Variants in CAPN8 observed in about 807,000 individuals in gnomAD.
The protein encoded by CAPN8 is calpain 8.
Under a neutral mutation model 80.9 loss-of-function variants are expected in CAPN8, and 87 were observed. The ratio of observed to expected loss-of-function variants is 1.07; its 90% CI spans 0.90 to 1.28. The LOEUF (loss-of-function observed/expected upper bound fraction) is 1.28. Ranked by LOEUF, CAPN8 falls within the 50% of genes most tolerant of loss-of-function variation. CAPN8 has a pLI of 0.00. For missense variants in CAPN8, 757 were observed against 702.0 expected, an observed-to-expected ratio of 1.08 and a Z score of -0.89; for synonymous variants, 299 against 273.8, an observed-to-expected ratio of 1.09 and a Z score of -0.91.
In CAPN8 at chr1:223,543,136, T is replaced by C. The variant is rs892488704; in HGVS notation, c.2060A>G (p.Asp687Gly). The change falls in exon 20 of 21, where the codon GAT (aspartate) becomes GGT (glycine). Residue 687 changes from aspartate to glycine, a missense_variant. Physicochemically the swap from Asp to Gly is moderately conservative, Grantham distance 94. Transcript: ENST00000366872. ...KLFSLLDEDK[D>G]GMVQLSLAEW... Reference sequence around the variant, plus strand: ...GGCCAGAGAGAGCTGAACCATGCCATCCTTGTCTTCGTCCAGAAGGCTGAA... The same window carrying C: ...GGCCAGAGAGAGCTGAACCATGCCACCCTTGTCTTCGTCCAGAAGGCTGAA... 5.2e-6 allele frequency: 8 copies of C among 1,551,562 alleles called. No homozygotes were observed. The highest frequency in any genetic ancestry group is 7.0e-6 in the Non-Finnish European group (8 of 1,146,996).
chr1:223,549,733 A>C (rs1288124639), intron 15 of CAPN8, among the ~76,000 whole-genome samples: 1 of 152,224 alleles, frequency 6.6e-6, no homozygotes, highest in Non-Finnish European at 1.5e-5. Context: ...TGCCCCAAAG[A>C]CTGGCTGGGT....
chr1:223,625,992 T>C (rs1260435580), intron 5 of CAPN8, 104 bp from the exon 6 acceptor site: 2 of 850,134 alleles, frequency 2.4e-6, no homozygotes, highest in Non-Finnish European at 3.9e-6. Context: ...GGGGCTTCAG[T>C]GTGGGACTAG....
At chr1:223,659,378 T>A (rs964416866) in intron 1 of CAPN8, among the ~76,000 whole-genome samples, 12 of 152,186 alleles carry the variant, frequency 7.9e-5, no homozygotes, top group Admixed American at 7.2e-4. Context: ...CATCCCTCTG[T>A]GATCTGGCCC....
At chr1:223,654,842 A>ATTTTTTTTT (rs35365292) in intron 1 of CAPN8, among the ~76,000 whole-genome samples, 66 of 111,682 alleles carry the variant, frequency 5.9e-4, no homozygotes, top group Non-Finnish European at 8.6e-4. Flanking sequence ...CACCCGGCTA[A>ATTTTTTTTT]TTTTTTTTTT....
rs73119734 is a variant in CAPN8, at chr1:223,618,259, A to G, written c.1135+1034T>C. On this transcript the variant is annotated intron_variant, in intron 9 of 20. Coordinates refer to ENST00000366872, the MANE Select transcript of CAPN8 (RefSeq NM_001143962.2). Reference sequence around the variant, plus strand: ...GAGTTTCTTCATCAGGTGCTGCCTCAGCTGATTCAACCTAGGAGGAGCCTA... The same window carrying G: ...GAGTTTCTTCATCAGGTGCTGCCTCGGCTGATTCAACCTAGGAGGAGCCTA... 1,569 of 1,550,606 alleles carry G rather than the reference A, an allele frequency of 1.0e-3. 15 individuals carry two copies. The African/African-American group carries it at 0.018, about 17-fold the overall frequency.
chr1:223,654,229 A>C, intron 2 of CAPN8, 101 bp downstream of exon 2: 2 of 1,000,218 alleles, frequency 2.0e-6, no homozygotes, highest in South Asian at 1.5e-5. Context: ...TCAGGTACCT[A>C]ATTCACTCGG....
At chr1:223,555,911 T>C (rs1656896251) in intron 13 of CAPN8, among the ~76,000 whole-genome samples, 2 of 152,336 alleles carry the variant, frequency 1.3e-5, no homozygotes, top group African/African-American at 2.4e-5. Flanking sequence ...GTGAATGCAA[T>C]GGTGAACAAG....
rs1036554366 is a variant in CAPN8 at position 223,625,677 on chromosome 1, T to C, written c.813+128A>G. Reference sequence around the variant, plus strand: ...TGTACAGGCAGAGTGCATCCCAATATGGCAGTGAAGCTCAAAAGCCAATTC... The same window carrying C: ...TGTACAGGCAGAGTGCATCCCAATACGGCAGTGAAGCTCAAAAGCCAATTC... On this transcript the variant is annotated intron_variant, in intron 6 of 20. Transcript: ENST00000366872. 1.1e-5 allele frequency: 8 copies of C among 707,600 alleles called. No homozygotes were observed. The African/African-American group carries it at 1.4e-4, about 12-fold the overall frequency. 43.8% of individuals were successfully genotyped at this position (707,600 alleles called of 1,614,324 possible). A position where few individuals can be genotyped will look rare whatever the true frequency, so the allele number is the denominator to read the frequency against.
At chr1:223,548,159 A>T (rs1339118718) in intron 16 of CAPN8, among the ~76,000 whole-genome samples, 1 of 152,200 alleles carries the variant, frequency 6.6e-6, no homozygotes, top group Non-Finnish European at 1.5e-5. Context: ...AAAGATCATC[A>T]TGGATGAACA....
At chr1:223,611,465 A>G (rs1016095135) in intron 11 of CAPN8, among the ~76,000 whole-genome samples, 1 of 152,226 alleles carries the variant, frequency 6.6e-6, no homozygotes, top group African/African-American at 2.4e-5. Flanking sequence ...AAAAGTTGGT[A>G]TAAATATGAG....
chr1:223,543,014 C>G (rs772633049), intron 20 of CAPN8, 94 bp downstream of exon 20: 1 of 1,402,182 alleles, frequency 7.1e-7, no homozygotes, highest in East Asian at 2.5e-5. Flanking sequence ...GGAACTAAGA[C>G]AGCCAACAGG....
intron 2 of CAPN8, among the ~76,000 whole-genome samples, chr1:223,645,709 T>A (rs1658173114): frequency 6.6e-6 from 1 of 152,104 alleles, no homozygotes; most frequent in Non-Finnish European, 1.5e-5. Flanking sequence ...GGGCCACAGG[T>A]GGCAGAGCAT....
intron 2 of CAPN8, among the ~76,000 whole-genome samples, chr1:223,629,337 A>T (rs1657707206): frequency 6.6e-6 from 1 of 152,054 alleles, no homozygotes; most frequent in East Asian, 1.9e-4. Flanking sequence ...GAGAGCCTTG[A>T]TGCCTTATTG....
chr1:223,621,638 C>A (rs1190502923), intron 7 of CAPN8, among the ~76,000 whole-genome samples: 1 of 152,132 alleles, frequency 6.6e-6, no homozygotes, highest in African/African-American at 2.4e-5. Flanking sequence ...GCCCTAGAGA[C>A]ACGTGTTTCT....
intron 2 of CAPN8, among the ~76,000 whole-genome samples, chr1:223,634,405 G>C (rs1029985405): frequency 1.3e-5 from 2 of 152,184 alleles, no homozygotes; most frequent in African/African-American, 4.8e-5. Context: ...ACTAGGGTAC[G>C]TAAGGACTAG....
intron 2 of CAPN8, among the ~76,000 whole-genome samples, chr1:223,633,640 C>T (rs770778322): frequency 1.6e-4 from 24 of 152,078 alleles, no homozygotes; most frequent in African/African-American, 2.4e-4. Context: ...CCAGCCTGGA[C>T]GGCAGAGCAA....
At chr1:223,542,087 C>T (rs1391020419) in intron 20 of CAPN8, among the ~76,000 whole-genome samples, 1 of 151,546 alleles carries the variant, frequency 6.6e-6, no homozygotes, top group African/African-American at 2.4e-5. Context: ...AAGGGAGCTC[C>T]AAAAATAGGT....
intron 1 of CAPN8, among the ~76,000 whole-genome samples, chr1:223,658,954 T>C (rs946573480): frequency 6.6e-6 from 1 of 151,652 alleles, no homozygotes; most frequent in Non-Finnish European, 1.5e-5. Flanking sequence ...GTCAGAGAGG[T>C]TTTAAAGAGG....
intron 14 of CAPN8, 90 bp from the exon 15 acceptor site, chr1:223,551,107 A>T: frequency 1.5e-6 from 1 of 679,282 alleles, no homozygotes; most frequent in Non-Finnish European, 2.7e-6. Flanking sequence ...TCACAGTCAG[A>T]CACCAGGCCC....
Sources: gnomAD v4.1 joint callset for allele counts (sites outside exome capture counted in the v4.1 genomes callset) on GRCh38, gnomAD v4.1.1 for gene constraint, MANE v1.5 for transcripts, NCBI Gene and HGNC (gene_info 2026-07-23, HGNC 2026-07-21) for gene names.